The following CEP295 variants were observed in gnomAD, a reference collection of about 807,000 sequenced individuals.
CEP295 encodes centrosomal protein of 295 kDa.
Under a neutral mutation model 291.6 loss-of-function variants are expected in CEP295, and 190 were observed. That is an observed-to-expected ratio of 0.65 (90% CI 0.58 to 0.73). The LOEUF is 0.73. CEP295 is among the 30% of genes least tolerant of loss of function. The probability of loss-of-function intolerance (pLI) is 0.00; values close to 1 mark genes in which losing one functional copy is unlikely to be tolerated. For synonymous variants in CEP295, 993 were observed against 1,038.8 expected (o/e 0.96, Z 0.85); for missense variants, 2,863 against 2,949.4 (o/e 0.97, Z 0.68).
chr11:93,724,019 GT>G (rs1201498971), intron 21 of CEP295: 2 of 269,380 alleles, frequency 7.4e-6, no homozygotes, highest in South Asian at 3.0e-4. Flanking sequence ...AACTTAAAAA[GT>G]TTTGGTCACT....
In CEP295 at chr11:93,699,346, A is replaced by G. The variant is rs1158360539; in HGVS notation, c.4434A>G (p.Lys1478=). Residue 1478 remains lysine, a synonymous_variant, in exon 15 of 30, where the codon AAA becomes AAG. Coordinates refer to ENST00000325212, the MANE Select transcript of CEP295 (RefSeq NM_033395.2). ...DFLPSIEKTQ[K]ELVLSKPCKF... is the part of the protein sequence containing the mutation. ...TTCCTTCTATTGAGAAAACCCAGAA[A>G]GAATTGGTTTTGTCAAAACCATGTA... The G allele has an allele frequency of 6.4e-7, 1 of 1,552,120 alleles. No individual in the cohort carries two copies. Among genetic ancestry groups the G allele is most frequent in the Non-Finnish European group, 8.7e-7 (1 of 1,147,066 alleles).
Position 93,668,844 on chromosome 11 carries a change from G to T in CEP295, c.346G>T (p.Glu116Ter). ...DLDALAQRAA[E>*]RKRKADLRHK... ...GGATGCTTTGGCACAGCGGGCAGCA[G>T]AAAGGAAAAGAAAAGCAGATTTGAG... Residue 116 changes from glutamate to a stop codon, truncating the protein, a stop_gained, in exon 4 of 30, where the codon GAA becomes TAA. Coordinates refer to ENST00000325212, the MANE Select transcript of CEP295 (RefSeq NM_033395.2). LOFTEE classifies it high-confidence loss of function. 3 of 1,524,276 alleles carry T rather than the reference G, an allele frequency of 2.0e-6. No homozygotes were observed. Among genetic ancestry groups the T allele is most frequent in the Non-Finnish European group, 2.6e-6 (3 of 1,132,978 alleles). 94.4% of individuals were successfully genotyped at this position (1,524,276 alleles called of 1,614,324 possible). A position where few individuals can be genotyped will look rare whatever the true frequency, so the allele number is the denominator to read the frequency against.
intron 10 of CEP295, among the ~76,000 whole-genome samples, chr11:93,690,405 AAGT>A (rs1396734776): frequency 6.6e-6 from 1 of 151,976 alleles, no homozygotes; most frequent in Non-Finnish European, 1.5e-5. Context: ...AAATACTAAA[AAGT>A]AGCTGGGCAT....
At chr11:93,709,626 G>T (rs1952758534) in intron 18 of CEP295, among the ~76,000 whole-genome samples, 1 of 151,766 alleles carries the variant, frequency 6.6e-6, no homozygotes. Flanking sequence ...GGCTATTCTG[G>T]GTCTTTTGTG....
intron 3 of CEP295, 61 bp from the exon 4 acceptor site, chr11:93,668,747 T>A: frequency 8.4e-7 from 1 of 1,194,164 alleles, no homozygotes. Flanking sequence ...TCTGATATCA[T>A]ATGAGACACA....
At chr11:93,729,342 G>A in intron 25 of CEP295, 92 bp from the exon 26 acceptor site, 1 of 832,408 alleles carries the variant, frequency 1.2e-6, no homozygotes, top group Non-Finnish European at 2.0e-6. Flanking sequence ...GCAGTGAGGT[G>A]TGATCATGCC....
intron 12 of CEP295, among the ~76,000 whole-genome samples, chr11:93,692,832 G>A (rs934792315): frequency 2.0e-5 from 3 of 151,734 alleles, no homozygotes; most frequent in Admixed American, 6.6e-5. Flanking sequence ...AATCAGCTGG[G>A]TGTGGTGACA....
chr11:93,704,920 C>G (rs371020368), intron 17 of CEP295, among the ~76,000 whole-genome samples: 1 of 152,132 alleles, frequency 6.6e-6, no homozygotes, highest in African/African-American at 2.4e-5. Context: ...TCCATAGTTG[C>G]AGTGGGTTTA....
rs1279133594 is a variant in CEP295, at chr11:93,727,189, T to C, written c.6713T>C (p.Val2238Ala). 6.4e-7 allele frequency: 1 copy of C among 1,551,118 alleles called. No homozygotes were observed. The highest frequency in any genetic ancestry group is 8.7e-7 in the Non-Finnish European group (1 of 1,146,746). Residue 2238 changes from valine to alanine, a missense_variant, in exon 24 of 30, where the codon GTC becomes GCC. Transcript: ENST00000325212. The stretch of plus-strand genomic sequence containing the variant: ...CTTTCTATAGGAAACTTAAGTTCAG[T>C]CTACAGTTCATCTGATGAAGCTAAT... ...FQLSIGNLSS[V>A]YSSSDEANVF...
intron 18 of CEP295, among the ~76,000 whole-genome samples, chr11:93,719,002 G>T (rs1953476632): frequency 6.6e-6 from 1 of 152,144 alleles, no homozygotes; most frequent in African/African-American, 2.4e-5. Flanking sequence ...CAGCTACTCA[G>T]GAGGCAGAGG....
At chr11:93,663,409 C>G (rs143560352) in intron 1 of CEP295, among the ~76,000 whole-genome samples, 12 of 152,362 alleles carry the variant, frequency 7.9e-5, no homozygotes, top group African/African-American at 2.6e-4. Context: ...TGCAGGTTTA[C>G]TCCCATCTTA....
intron 13 of CEP295, 136 bp downstream of exon 13, chr11:93,695,770 G>A (rs933424324): frequency 4.0e-6 from 4 of 1,006,008 alleles, no homozygotes; most frequent in African/African-American, 3.5e-5. Flanking sequence ...CAGCACTTTG[G>A]GTGGCCGAGA....
At chr11:93,703,677 C>A (rs1952323959) in intron 17 of CEP295, among the ~76,000 whole-genome samples, 1 of 148,896 alleles carries the variant, frequency 6.7e-6, no homozygotes, top group Non-Finnish European at 1.5e-5. Flanking sequence ...TAAATCCTGG[C>A]TTTGTGGTCA....
chr11:93,692,652 G>A (rs1208025674), intron 12 of CEP295, among the ~76,000 whole-genome samples: 3 of 151,572 alleles, frequency 2.0e-5, no homozygotes, highest in Admixed American at 6.6e-5. Context: ...TAGAGATGAC[G>A]TCTTGCTATG....
chr11:93,668,697 A>G (rs1009703816), intron 3 of CEP295, 111 bp from the exon 4 acceptor site: 3 of 770,384 alleles, frequency 3.9e-6, no homozygotes, highest in Non-Finnish European at 4.2e-6. Context: ...AAACACTGCT[A>G]TAGTATGTAG....
At chr11:93,726,305 T>TCA (rs1463585287) in intron 23 of CEP295, among the ~76,000 whole-genome samples, 2 of 152,224 alleles carry the variant, frequency 1.3e-5, no homozygotes, top group East Asian at 3.8e-4. Context: ...CAGCTAATTT[T>TCA]CTATTTTTAG....
At position 93,727,423 on chromosome 11, in the gene CEP295, T is replaced by A; in HGVS notation, c.6947T>A (p.Val2316Glu). 1 of 1,551,744 alleles carries A rather than the reference T, an allele frequency of 6.4e-7. No individual in the cohort carries two copies. Among genetic ancestry groups the A allele is most frequent in the Non-Finnish European group, 8.7e-7 (1 of 1,146,964 alleles). ...AGGGTTTTAGACATAAATCCACAGG[T>A]AGAGGAAACTGACTCTCGATTATGT... ...TCRVLDINPQVEETDSRLCVR... is the reference protein window; with the variant it reads ...TCRVLDINPQEEETDSRLCVR... The change falls in exon 24 of 30, where the codon GTA becomes GAA. Residue 2316 changes from valine to glutamate, a missense_variant. This residue lies in a region of CEP295 where 2,295 missense variants were observed against 2,335.7 expected (regional missense o/e 0.98). Coordinates refer to ENST00000325212, the MANE Select transcript of CEP295 (RefSeq NM_033395.2).
chr11:93,728,977 C>A, intron 25 of CEP295, 156 bp downstream of exon 25: 2 of 624,494 alleles, frequency 3.2e-6, no homozygotes, highest in Non-Finnish European at 2.7e-6. Flanking sequence ...TAAACCTTCA[C>A]TATTCTGTCA....
rs1952029645 is a variant in CEP295 at position 93,699,626 on chromosome 11, A to C, written c.4714A>C (p.Asn1572His). 1.3e-6 allele frequency: 2 copies of C among 1,551,802 alleles called. No homozygotes were observed. Among genetic ancestry groups the C allele is most frequent in the Non-Finnish European group, 1.7e-6 (2 of 1,147,066 alleles). ...RTQKSFPTKS[N>H]DTLPSSHREI... Reference sequence around the variant, plus strand: ...CCAGAAGTCTTTCCCAACCAAAAGTAATGATACTCTTCCCTCAAGTCATCG... The same window carrying C: ...CCAGAAGTCTTTCCCAACCAAAAGTCATGATACTCTTCCCTCAAGTCATCG... The change falls in exon 15 of 30, where the codon AAT becomes CAT. Residue 1572 changes from asparagine to histidine, a missense_variant. Around this residue, in one of 3 missense-constraint regions of CEP295, gnomAD observed 2,295 missense variants for 2,335.7 expected, o/e 0.98. Coordinates refer to ENST00000325212, the MANE Select transcript of CEP295 (RefSeq NM_033395.2).
Sources: allele counts gnomAD v4.1 joint callset (sites outside exome capture counted in the v4.1 genomes callset), GRCh38; gene constraint gnomAD v4.1.1; regional missense constraint gnomAD v4.1.1; transcripts MANE v1.5; gene names NCBI Gene and HGNC (gene_info 2026-07-23, HGNC 2026-07-21).